The following DNAH7 variants were observed in gnomAD, a reference collection of about 807,000 sequenced individuals.
DNAH7 encodes dynein axonemal heavy chain 7, also known as axonemal beta dynein heavy chain 7.
A neutral mutation model predicts 444.6 loss-of-function variants in DNAH7; 397 were observed. The observed-to-expected ratio is 0.89, with a 90% CI of 0.82 to 0.97. DNAH7 has a LOEUF of 0.97. Ranked by LOEUF, DNAH7 falls within the 50% of genes least tolerant of loss-of-function variation. DNAH7 has a pLI of 0.00. For missense variants in DNAH7, 4,902 were observed against 4,800.8 expected, an observed-to-expected ratio of 1.02 and a Z score of -0.62; for synonymous variants, 1,636 against 1,624.4, an observed-to-expected ratio of 1.01 and a Z score of -0.17.
chr2:195,997,881 C>G (rs1693795508), intron 12 of DNAH7, among the ~76,000 whole-genome samples: 1 of 152,120 alleles, frequency 6.6e-6, no homozygotes, highest in Non-Finnish European at 1.5e-5. Context: ...CTGACTCCAT[C>G]TTTATGAATC....
chr2:195,914,481 C>T (rs931096164), intron 24 of DNAH7, among the ~76,000 whole-genome samples: 1 of 152,174 alleles, frequency 6.6e-6, no homozygotes, highest in Non-Finnish European at 1.5e-5. Context: ...TGCCCCTGTG[C>T]CATACAATTG....
At chr2:195,925,577 T>C (rs1195375403) in intron 22 of DNAH7, among the ~76,000 whole-genome samples, 2 of 152,144 alleles carry the variant, frequency 1.3e-5, no homozygotes, top group Non-Finnish European at 2.9e-5. Flanking sequence ...TTCCTTCTTG[T>C]AGAGGAGAAG....
chr2:196,007,746 C>A (rs1449218590), intron 10 of DNAH7, among the ~76,000 whole-genome samples: 1 of 152,086 alleles, frequency 6.6e-6, no homozygotes, highest in Admixed American at 6.6e-5. Context: ...CATGTAGGAC[C>A]GGGCTTTGCT....
intron 2 of DNAH7, among the ~76,000 whole-genome samples, chr2:196,051,492 C>T (rs975303957): frequency 2.6e-5 from 4 of 151,992 alleles, no homozygotes; most frequent in East Asian, 1.9e-4. Flanking sequence ...TATGCAAAAC[C>T]GGCCAGGCGC....
At chr2:195,774,008 A>G (rs1348715987) in intron 60 of DNAH7, among the ~76,000 whole-genome samples, 1 of 152,226 alleles carries the variant, frequency 6.6e-6, no homozygotes, top group African/African-American at 2.4e-5. Flanking sequence ...AGAATCACTG[A>G]ACTACTGCTC....
intron 49 of DNAH7, among the ~76,000 whole-genome samples, chr2:195,822,756 G>C (rs1216411632): frequency 6.6e-6 from 1 of 152,108 alleles, no homozygotes; most frequent in South Asian, 2.1e-4. Context: ...TGTTATGTGC[G>C]ATAGTTCCAC....
intron 9 of DNAH7, among the ~76,000 whole-genome samples, chr2:196,016,306 G>A (rs935184539): frequency 3.3e-5 from 5 of 152,106 alleles, no homozygotes; most frequent in Non-Finnish European, 7.4e-5. Flanking sequence ...CATAATTTGT[G>A]AAAGTAATAT....
At chr2:195,810,070 T>A (rs1468700371) in intron 51 of DNAH7, among the ~76,000 whole-genome samples, 199 bp from the exon 52 acceptor site, 1 of 151,960 alleles carries the variant, frequency 6.6e-6, no homozygotes, top group East Asian at 1.9e-4. Context: ...CATTTTACTG[T>A]GGACTGAGTT....
chr2:195,990,522 T>G (rs1424079423), intron 12 of DNAH7, among the ~76,000 whole-genome samples: 1 of 151,838 alleles, frequency 6.6e-6, no homozygotes, highest in Non-Finnish European at 1.5e-5. Context: ...AAATTAGTGA[T>G]AGTGTACATC....
At chr2:195,749,871 T>C (rs1316016589) in intron 63 of DNAH7, among the ~76,000 whole-genome samples, 1 of 150,650 alleles carries the variant, frequency 6.6e-6, no homozygotes, top group South Asian at 2.1e-4. Flanking sequence ...TTAGGAGATA[T>C]ACCTAATGCT....
At chr2:195,898,943 T>G (rs562424335) in intron 28 of DNAH7, among the ~76,000 whole-genome samples, 21 of 152,306 alleles carry the variant, frequency 1.4e-4, no homozygotes, top group African/African-American at 5.1e-4. Flanking sequence ...AACATCTCAC[T>G]CCAAAGCTTC....
rs964171869 is a variant in DNAH7, at chr2:195,775,873, C to G, written c.11175G>C (p.Leu3725=). The G allele has an allele frequency of 3.7e-6, 6 of 1,613,980 alleles. No individual in the cohort carries two copies. Among genetic ancestry groups the G allele is most frequent in the Admixed American group, 1.7e-5 (1 of 60,000 alleles). ...DITKDQSETQ[L]LFDNILLTQS... Reference sequence around the variant, plus strand: ...GTGTAAGAAGAATGTTATCAAATAGCAGCTGAGTTTCTGACTGATCCTTAG... The same window carrying G: ...GTGTAAGAAGAATGTTATCAAATAGGAGCTGAGTTTCTGACTGATCCTTAG... Residue 3725 remains leucine, a synonymous_variant, in exon 60 of 65, where the codon CTG becomes CTC. Coordinates refer to ENST00000312428, the MANE Select transcript of DNAH7 (RefSeq NM_018897.3).
At chr2:195,856,614 G>C (rs1254719853) in intron 44 of DNAH7, among the ~76,000 whole-genome samples, 1 of 152,058 alleles carries the variant, frequency 6.6e-6, no homozygotes, top group Non-Finnish European at 1.5e-5. Context: ...TATGACAGTT[G>C]TTTTTTGAAA....
In DNAH7 at chr2:195,910,141, A is replaced by G. The variant is rs1219103296; in HGVS notation, c.3990T>C (p.Ala1330=). 2 of 1,613,752 alleles carry G rather than the reference A, an allele frequency of 1.2e-6. No homozygotes were observed. Among genetic ancestry groups the G allele is most frequent in the Non-Finnish European group, 1.7e-6 (2 of 1,179,772 alleles). Residue 1330 remains alanine (A), a synonymous_variant, in exon 25 of 65, where the codon GCT becomes GCC. Transcript: ENST00000312428. ...TGGTAGTTTCAGTCTTCCCAGTGCC[A>G]GCTGGACCCTCAGGTGCTCCTCCAA... ...LHLGGAPEGP[A]GTGKTETTKD... is the part of the protein sequence containing the mutation.
rs568365246 is a variant in DNAH7, at chr2:195,788,278, G to C, written c.10717-1107C>G. Among the ~76,000 whole-genome samples, 4 of 152,308 alleles carry C rather than the reference G, an allele frequency of 2.6e-5. No homozygotes were observed. In the South Asian group the frequency reaches 8.3e-4, roughly 32 times the overall value. ...TATCAGCAGCTATCAAGTGCAGGAG[G>C]AGTCACAAGAAGAAAGATGCCAACT... On this transcript the variant is annotated intron_variant, in intron 57 of 64. Transcript: ENST00000312428.
chr2:195,955,083 A>T (rs1446664988), intron 19 of DNAH7, among the ~76,000 whole-genome samples: 1 of 152,118 alleles, frequency 6.6e-6, no homozygotes, highest in Non-Finnish European at 1.5e-5. Context: ...GGTGTTTTAG[A>T]CATGAAGTCC....
chr2:196,031,976 T>C (rs1696086317), intron 5 of DNAH7, among the ~76,000 whole-genome samples: 1 of 152,178 alleles, frequency 6.6e-6, no homozygotes, highest in South Asian at 2.1e-4. Flanking sequence ...CTGGTACCAA[T>C]TTACCGTATT....
chr2:195,841,170 G>T (rs1051805913), intron 47 of DNAH7, among the ~76,000 whole-genome samples: 1 of 151,602 alleles, frequency 6.6e-6, no homozygotes, highest in Non-Finnish European at 1.5e-5. Context: ...ATTTTAAAAA[G>T]GATAATATTT....
chr2:195,877,263 C>T (rs1357436629), intron 36 of DNAH7, among the ~76,000 whole-genome samples: 1 of 152,190 alleles, frequency 6.6e-6, no homozygotes, highest in Non-Finnish European at 1.5e-5. Flanking sequence ...TTCCCCTTCC[C>T]TCCCTCAAGA....
Sources: gnomAD v4.1 joint callset for allele counts (sites outside exome capture counted in the v4.1 genomes callset) on GRCh38, gnomAD v4.1.1 for gene constraint, MANE v1.5 for transcripts, NCBI Gene and HGNC (gene_info 2026-07-23, HGNC 2026-07-21) for gene names.